DLEC1: variants seen among roughly 807,000 people sequenced by gnomAD.
DLEC1 encodes the protein DLEC1 cilia and flagella associated protein.
Under a neutral mutation model 198.1 loss-of-function variants are expected in DLEC1, and 146 were observed. The ratio of observed to expected loss-of-function variants is 0.74; its 90% CI spans 0.64 to 0.85. The LOEUF (loss-of-function observed/expected upper bound fraction) is 0.85, where lower values mean the gene tolerates loss of function less well. Ranked by LOEUF, DLEC1 falls within the 40% of genes least tolerant of loss-of-function variation. The pLI, the probability that DLEC1 is intolerant of heterozygous loss-of-function variation, is 0.00. For synonymous variants in DLEC1, 897 were observed against 866.8 expected (o/e 1.03, Z -0.61); for missense variants, 2,233 against 2,220.0 (o/e 1.01, Z -0.12).
At chr3:38,109,790 C>T in intron 22 of DLEC1, 1 of 812,198 alleles carries the variant, frequency 1.2e-6, no homozygotes. Flanking sequence ...GGCGTGGTGC[C>T]CTGGCAGGCA....
chr3:38,061,569 G>A (rs1696688342), intron 3 of DLEC1, among the ~76,000 whole-genome samples: 1 of 152,196 alleles, frequency 6.6e-6, no homozygotes, highest in Non-Finnish European at 1.5e-5. Flanking sequence ...GCTCATGTAT[G>A]GGGTATGTGT....
At chr3:38,082,048 T>C (rs1698061043) in intron 6 of DLEC1, among the ~76,000 whole-genome samples, 4 of 123,990 alleles carry the variant, frequency 3.2e-5, no homozygotes, top group African/African-American at 1.3e-4. Context: ...ACGGGGTGGT[T>C]GCCAGGCAGA....
At chr3:38,066,104 A>G (rs967866039) in intron 6 of DLEC1, among the ~76,000 whole-genome samples, 5 of 152,296 alleles carry the variant, frequency 3.3e-5, no homozygotes, top group African/African-American at 1.2e-4. Context: ...ATTGCAATCC[A>G]TCAGGAGGAA....
chr3:38,069,369 A>G lies in DLEC1; in HGVS notation c.1173+5450A>G, dbSNP rs1024594639. 2.6e-5 allele frequency among the ~76,000 whole-genome samples: 4 copies of G among 152,228 alleles called. No individual in the cohort carries two copies. In the East Asian group the frequency reaches 7.7e-4, roughly 29 times the overall value. On this transcript the variant is annotated intron_variant, in intron 6 of 36. Transcript: ENST00000308059. ...AGACTAGAAAAAGAGGGAATGTACC[A>G]TCATTATTAGGTAATAAGCCTAATT...
chr3:38,120,017 TCA>T (rs1478813793), intron 33 of DLEC1, among the ~76,000 whole-genome samples: 3 of 152,298 alleles, frequency 2.0e-5, no homozygotes, highest in African/African-American at 7.2e-5. Context: ...CTGTCCAGCC[TCA>T]GTTACAGCCT....
intron 6 of DLEC1, among the ~76,000 whole-genome samples, chr3:38,067,344 G>A (rs186409308): frequency 1.8e-4 from 27 of 152,380 alleles, no homozygotes; most frequent in Admixed American, 1.1e-3. Flanking sequence ...GGCATGGAAT[G>A]TGGTACCAAG....
At position 38,092,831 on chromosome 3, in the gene DLEC1, C is replaced by T; in HGVS notation, c.1707C>T (p.Thr569=). 1 of 1,613,682 alleles carries T rather than the reference C, an allele frequency of 6.2e-7. No individual in the cohort carries two copies. Among genetic ancestry groups the T allele is most frequent in the African/African-American group, 1.3e-5 (1 of 75,030 alleles). ...AGAGCCTAGGAAAGGCAGAGCAGAC[C>T]TTCATCATCATGTGCGACAACTGCC... ...SPKSLGKAEQ[T]FIIMCDNCQI... is the part of the protein sequence containing the mutation. Residue 569 remains threonine, a synonymous_variant, in exon 11 of 37, where the codon ACC becomes ACT. Coordinates refer to ENST00000308059, the MANE Select transcript of DLEC1 (RefSeq NM_007335.4).
chr3:38,108,661 C>T, intron 21 of DLEC1, 146 bp downstream of exon 21: 2 of 676,080 alleles, frequency 3.0e-6, no homozygotes, highest in South Asian at 1.8e-5. Context: ...GTCTGGGGTC[C>T]CCATTCCTGC....
rs1284275746 is a variant in DLEC1 at position 38,116,909 on chromosome 3, G to A, written c.4179+20G>A. 6.2e-7 allele frequency: 1 copy of A among 1,612,244 alleles called. No homozygotes were observed. Among genetic ancestry groups the A allele is most frequent in the Admixed American group, 1.7e-5 (1 of 59,954 alleles). On this transcript the variant is annotated intron_variant, in intron 29 of 36. Transcript: ENST00000308059. ...CAGGTGGTGAGTTGGGGTATGGGCT[G>A]GGAGCTGTCTGCATTGGCCGGCCAG...
At chr3:38,105,172 A>G (rs1451040211) in intron 19 of DLEC1, among the ~76,000 whole-genome samples, 1 of 152,200 alleles carries the variant, frequency 6.6e-6, no homozygotes. Context: ...ATATAATTAT[A>G]GTCGTTTAAA....
intron 1 of DLEC1, among the ~76,000 whole-genome samples, chr3:38,039,839 C>T (rs1389343323): frequency 6.6e-6 from 1 of 152,226 alleles, no homozygotes; most frequent in Admixed American, 6.5e-5. Context: ...ACACATACCA[C>T]ACAACGTGCG....
chr3:38,075,608 G>A (rs951622274), intron 6 of DLEC1, among the ~76,000 whole-genome samples: 1 of 152,040 alleles, frequency 6.6e-6, no homozygotes, highest in Non-Finnish European at 1.5e-5. Flanking sequence ...GTGGGAAAGG[G>A]GTCGGGGCGT....
intron 6 of DLEC1, among the ~76,000 whole-genome samples, chr3:38,071,441 A>C (rs1288463691): frequency 6.6e-6 from 1 of 152,256 alleles, no homozygotes; most frequent in Non-Finnish European, 1.5e-5. Context: ...GGAAGAGGTT[A>C]TGAAATGACG....
intron 34 of DLEC1, among the ~76,000 whole-genome samples, chr3:38,121,195 G>C (rs1234773921): frequency 6.6e-6 from 1 of 152,252 alleles, no homozygotes; most frequent in African/African-American, 2.4e-5. Context: ...GTGGGATGGT[G>C]CATGGCAGTG....
At chr3:38,057,478 C>T (rs947966362) in intron 2 of DLEC1, among the ~76,000 whole-genome samples, 5 of 148,842 alleles carry the variant, frequency 3.4e-5, no homozygotes, top group Non-Finnish European at 6.0e-5. Context: ...GATGACAGAG[C>T]GAGACTGTGT....
chr3:38,099,388 G>A (rs2125702399), intron 18 of DLEC1, among the ~76,000 whole-genome samples: 1 of 152,316 alleles, frequency 6.6e-6, no homozygotes, highest in South Asian at 2.1e-4. Context: ...GAATAACTAT[G>A]TTTTATAATG....
chr3:38,121,635 C>G lies in DLEC1; in HGVS notation c.4874C>G (p.Pro1625Arg), dbSNP rs1292028317. ...EYTNQTTQVV[P>R]LRAVVAVPEL... ...TTGCCTGGTCTCCCACAGGTGGTGCCCCTGCGGGCTGTGGTGGCCGTGCCT... is the reference window on the plus strand; with the variant it reads ...TTGCCTGGTCTCCCACAGGTGGTGCGCCTGCGGGCTGTGGTGGCCGTGCCT... The change falls in exon 35 of 37, where the codon CCC becomes CGC. Residue 1625 changes from proline (P) to arginine (R), a missense_variant. Transcript: ENST00000308059. 1.2e-6 allele frequency: 2 copies of G among 1,613,290 alleles called. No individual in the cohort carries two copies. The highest frequency in any genetic ancestry group is 2.7e-5 in the African/African-American group (2 of 74,882).
At chr3:38,095,337 C>T in intron 13 of DLEC1, 1 of 498,824 alleles carries the variant, frequency 2.0e-6, no homozygotes, top group Non-Finnish European at 3.6e-6. Context: ...TCCCACATGT[C>T]TACTATGGCA....
Position 38,115,042 on chromosome 3 carries a change from C to T in DLEC1, c.3845C>T (p.Ser1282Phe). 1 of 1,613,956 alleles carries T rather than the reference C, an allele frequency of 6.2e-7. No individual in the cohort carries two copies. Among genetic ancestry groups the T allele is most frequent in the Non-Finnish European group, 8.5e-7 (1 of 1,179,926 alleles). ...TVTRTLRLNN[S>F]SPCDIRLDWE... ...ACCCGAACCCTTCGCCTGAATAACT[C>T]CAGCCCCTGTGGTAAGACATGCATG... Residue 1282 changes from serine (S) to phenylalanine (F), a missense_variant, in exon 27 of 37, where the codon TCC (serine) becomes TTC (phenylalanine). Coordinates refer to ENST00000308059, the MANE Select transcript of DLEC1 (RefSeq NM_007335.4).
Sources: allele counts gnomAD v4.1 joint callset (sites outside exome capture counted in the v4.1 genomes callset), GRCh38; gene constraint gnomAD v4.1.1; transcripts MANE v1.5; gene names NCBI Gene and HGNC (gene_info 2026-07-23, HGNC 2026-07-21).